The following APOBEC3D variants were observed in gnomAD, a reference collection of about 807,000 sequenced individuals.
The protein encoded by APOBEC3D is apolipoprotein B mRNA editing enzyme catalytic subunit 3D.
In APOBEC3D, 37 loss-of-function variants were observed where a neutral mutation model predicts 45.6. The ratio of observed to expected loss-of-function variants is 0.81; its 90% CI spans 0.62 to 1.07. The LOEUF (loss-of-function observed/expected upper bound fraction) is 1.07, where lower values mean the gene tolerates loss of function less well. APOBEC3D is among the 50% of genes least tolerant of loss of function. The pLI is 0.00. For missense variants in APOBEC3D, 496 were observed against 495.3 expected (o/e 1.00, Z -0.01); for synonymous variants, 175 against 180.7 (o/e 0.97, Z 0.25).
Position 39,021,447 on chromosome 22 carries a change from G to A in APOBEC3D, c.-73G>A. On this transcript the variant is annotated 5_prime_UTR_variant, in exon 1 of 7. Transcript: ENST00000216099. ...GAGGGCTGTCCAACTGCAAGGAGCC[G>A]CAAGCAGGAAGTGAAACCACAGCAC... The A allele has an allele frequency of 1.1e-5, 17 of 1,609,380 alleles. No individual in the cohort carries two copies. Among genetic ancestry groups the A allele is most frequent in the South Asian group, 3.3e-5 (3 of 90,924 alleles).
In APOBEC3D at chr22:39,031,976, G is replaced by A. The variant is rs1212485994; in HGVS notation, c.1042+3G>A. 8 of 1,614,014 alleles carry A rather than the reference G, an allele frequency of 5.0e-6. No individual in the cohort carries two copies. The East Asian group carries it at 8.9e-5, about 18-fold the overall frequency. Reference sequence around the variant, plus strand: ...CGTGAAGATCATGGGCTACAAAGGTGAGACGTGGGGGGCTGAGGAGAGTGG... The same window carrying A: ...CGTGAAGATCATGGGCTACAAAGGTAAGACGTGGGGGGCTGAGGAGAGTGG... On this transcript the variant is annotated splice_donor_region_variant and intron_variant, in intron 6 of 6. Transcript: ENST00000216099.
rs1235067428 is a variant in APOBEC3D at position 39,029,503 on chromosome 22, G to A, written c.746G>A (p.Gly249Asp). 1.2e-6 allele frequency: 2 copies of A among 1,614,026 alleles called. No individual in the cohort carries two copies. Among genetic ancestry groups the A allele is most frequent in the African/African-American group, 1.3e-5 (1 of 74,890 alleles). ...CACTCAGCTGTCTTCCGGAAGAGGGGCGTCTTCCGAAACCAGGTAGCACCA... is the reference window on the plus strand; with the variant it reads ...CACTCAGCTGTCTTCCGGAAGAGGGACGTCTTCCGAAACCAGGTAGCACCA... ...KHHSAVFRKR[G>D]VFRNQVDPET... The change falls in exon 5 of 7, where the codon GGC (glycine) becomes GAC (aspartate). Residue 249 changes from glycine (G) to aspartate (D), a missense_variant. Gly to Asp is a moderately conservative substitution (Grantham distance 94, BLOSUM62 -1). Transcript: ENST00000216099.
chr22:39,025,111 A>G lies in APOBEC3D; in HGVS notation c.252A>G (p.Leu84=). 6.2e-7 allele frequency: 1 copy of G among 1,606,272 alleles called. No individual in the cohort carries two copies. Among genetic ancestry groups the G allele is most frequent in the Non-Finnish European group, 8.5e-7 (1 of 1,176,110 alleles). ...AGAACCACGCAGAAATGTGCTTCTT[A>G]TCTTGGTTCTGTGGCAACCGACTGC... ...RFENHAEMCF[L]SWFCGNRLPA... Residue 84 remains leucine (L), a synonymous_variant, in exon 3 of 7, where the codon TTA becomes TTG. Coordinates refer to ENST00000216099, the MANE Select transcript of APOBEC3D (RefSeq NM_152426.4).
intron 2 of APOBEC3D, among the ~76,000 whole-genome samples, chr22:39,024,485 C>T (rs532663198): frequency 6.6e-6 from 1 of 152,318 alleles, no homozygotes; most frequent in South Asian, 2.1e-4. Context: ...TGTCTTGGTG[C>T]ACCTTGTGAT....
At chr22:39,025,712 C>A in intron 4 of APOBEC3D, 41 bp downstream of exon 4, 4 of 1,612,926 alleles carry the variant, frequency 2.5e-6, no homozygotes, top group Non-Finnish European at 3.4e-6. Context: ...TCTCCTCTCG[C>A]CTCCTGCTCA....
intron 4 of APOBEC3D, among the ~76,000 whole-genome samples, chr22:39,026,705 A>G (rs1473052907): frequency 6.6e-6 from 1 of 152,120 alleles, no homozygotes; most frequent in African/African-American, 2.4e-5. Flanking sequence ...AGATGCAGAA[A>G]GAGTCAAGCA....
chr22:39,025,702 T>C (rs772405688), intron 4 of APOBEC3D, 31 bp downstream of exon 4: 3 of 1,613,396 alleles, frequency 1.9e-6, no homozygotes. Context: ...TCATCGTCTC[T>C]CTCCTCTCGC....
At chr22:39,029,691 G>A (rs1221286511) in intron 5 of APOBEC3D, among the ~76,000 whole-genome samples, 172 bp downstream of exon 5, 2 of 150,514 alleles carry the variant, frequency 1.3e-5, no homozygotes, top group African/African-American at 2.5e-5. Flanking sequence ...TCTGCCTCCC[G>A]GGTTCAAGCG....
In APOBEC3D at chr22:39,029,214, C is replaced by T. The variant is rs1354039916; in HGVS notation, c.606-149C>T. 4.3e-6 allele frequency: 4 copies of T among 923,816 alleles called. No homozygotes were observed. The African/African-American group carries it at 6.6e-5, about 15-fold the overall frequency. The allele number at this position is 923,816 out of a possible 1,614,324, so 57.2% of individuals were successfully genotyped here. ...AGTACCCCCTCCTCTTTCTCTCTCCCAGTCTTCCTGCCTGGGAAAGCAGCA... is the reference window on the plus strand; with the variant it reads ...AGTACCCCCTCCTCTTTCTCTCTCCTAGTCTTCCTGCCTGGGAAAGCAGCA... On this transcript the variant is annotated intron_variant, in intron 4 of 6. Coordinates refer to ENST00000216099, the MANE Select transcript of APOBEC3D (RefSeq NM_152426.4).
At chr22:39,031,584 A>C (rs1242675395) in intron 5 of APOBEC3D, 110 bp from the exon 6 acceptor site, 9 of 1,461,098 alleles carry the variant, frequency 6.2e-6, no homozygotes, top group African/African-American at 1.4e-5. Flanking sequence ...TAAATAAATA[A>C]GAAAATGCCC....
intron 5 of APOBEC3D, among the ~76,000 whole-genome samples, chr22:39,030,293 C>A (rs1926082160): frequency 7.8e-6 from 1 of 128,704 alleles, no homozygotes; most frequent in African/African-American, 2.8e-5. Flanking sequence ...CCACCCAACC[C>A]TGCGGCCCCC....
intron 4 of APOBEC3D, among the ~76,000 whole-genome samples, chr22:39,027,404 G>T (rs1167562174): frequency 2.0e-5 from 3 of 151,854 alleles, no homozygotes; most frequent in Non-Finnish European, 4.4e-5. Context: ...GCTACCGGGT[G>T]GGGGGCGTCC....
chr22:39,025,033 C>G (rs767230361), intron 2 of APOBEC3D, 37 bp from the exon 3 acceptor site: 43 of 1,498,834 alleles, frequency 2.9e-5, no homozygotes, highest in South Asian at 7.9e-5. Context: ...CCTGTTCCCC[C>G]GTCCCAGAGC....
At chr22:39,024,513 G>C (rs2079965548) in intron 2 of APOBEC3D, among the ~76,000 whole-genome samples, 1 of 152,212 alleles carries the variant, frequency 6.6e-6, no homozygotes, top group Non-Finnish European at 1.5e-5. Context: ...CAGCAGGACT[G>C]AGACGGGGAC....
In APOBEC3D at chr22:39,031,855, C is replaced by T; in HGVS notation, c.924C>T (p.Ser308=). Residue 308 remains serine, a synonymous_variant, in exon 6 of 7, where the codon AGC becomes AGT. Transcript: ENST00000216099. ...GEVAEFLARH[S]NVNLTIFTAR... ...TGGCCGAGTTCCTGGCCAGGCACAG[C>T]AACGTGAATCTCACCATCTTCACCG... 1 of 1,614,202 alleles carries T rather than the reference C, an allele frequency of 6.2e-7. No individual in the cohort carries two copies. Among genetic ancestry groups the T allele is most frequent in the African/African-American group, 1.3e-5 (1 of 75,048 alleles).
Position 39,025,519 on chromosome 22 carries a change from A to AG in APOBEC3D, c.491-34dup, listed in dbSNP as rs768598048. On this transcript the variant is annotated intron_variant, in intron 3 of 6. Coordinates refer to ENST00000216099, the MANE Select transcript of APOBEC3D (RefSeq NM_152426.4). ...GGCCTGGGAGGGCAGGCCCAGGGTCAGGGGAGAGCCTGAGTGCTTCCCACC... is the reference window on the plus strand; with the variant it reads ...GGCCTGGGAGGGCAGGCCCAGGGTCAGGGGGAGAGCCTGAGTGCTTCCCACC... 2.0e-5 allele frequency: 32 copies of AG among 1,613,860 alleles called. No individual in the cohort carries two copies. The East Asian group carries it at 7.1e-4, about 36-fold the overall frequency.
At chr22:39,031,602 T>G in intron 5 of APOBEC3D, 92 bp from the exon 6 acceptor site, 1 of 1,525,628 alleles carries the variant, frequency 6.6e-7, no homozygotes, top group Admixed American at 1.9e-5. Context: ...CCCTGGGGCT[T>G]CAGGCCTGCC....
Position 39,032,594 on chromosome 22 carries a change from T to A in APOBEC3D, c.*278T>A. On this transcript the variant is annotated 3_prime_UTR_variant, in exon 7 of 7. Transcript: ENST00000216099. Reference sequence around the variant, plus strand: ...TCTCCCCAGCATAACCAAATCTTTTTTTTTTTTTTTTTTTTTTGAGACGGA... The same window carrying A: ...TCTCCCCAGCATAACCAAATCTTTTATTTTTTTTTTTTTTTTTGAGACGGA... 4.0e-6 allele frequency: 3 copies of A among 758,398 alleles called. No homozygotes were observed. Among genetic ancestry groups the A allele is most frequent in the East Asian group, 8.8e-5 (1 of 11,360 alleles). The allele number at this position is 758,398 out of a possible 1,614,324, so 47.0% of individuals were successfully genotyped here.
Position 39,025,639 on chromosome 22 carries a change from A to G in APOBEC3D, c.573A>G (p.Ala191=). Residue 191 remains alanine, a synonymous_variant, in exon 4 of 7, where the codon GCA becomes GCG. Coordinates refer to ENST00000216099, the MANE Select transcript of APOBEC3D (RefSeq NM_152426.4). ...MPWYKFDDNY[A]SLHRTLKEIL... ...GGTACAAATTCGATGACAATTATGC[A>G]TCCCTGCACCGCACGCTAAAGGAGA... 1 of 1,614,126 alleles carries G rather than the reference A, an allele frequency of 6.2e-7. No homozygotes were observed. The highest frequency in any genetic ancestry group is 8.5e-7 in the Non-Finnish European group (1 of 1,180,004).
Sources: allele counts gnomAD v4.1 joint callset (sites outside exome capture counted in the v4.1 genomes callset), GRCh38; gene constraint gnomAD v4.1.1; transcripts MANE v1.5; gene names NCBI Gene and HGNC (gene_info 2026-07-23, HGNC 2026-07-21).